PHACTR1: variants seen among roughly 807,000 people sequenced by gnomAD.
The protein encoded by PHACTR1 is RPEL repeat containing 1.
PHACTR1 carries 16 observed loss-of-function variants against 69.2 expected under a neutral mutation model. The observed-to-expected ratio is 0.23, with a 90% CI of 0.16 to 0.35. The LOEUF is 0.35. Among genes scored for constraint, PHACTR1 ranks in the 10% least tolerant of loss-of-function variants. The pLI is 1.00. For missense variants in PHACTR1, 510 were observed against 734.7 expected (o/e 0.69, Z 3.54); for synonymous variants, 312 against 284.5 (o/e 1.10, Z -0.97).
intron 5 of PHACTR1, among the ~76,000 whole-genome samples, chr6:13,091,875 G>A (rs1319043461): frequency 6.6e-6 from 1 of 152,106 alleles, no homozygotes; most frequent in Non-Finnish European, 1.5e-5. Context: ...TCGGCTCACT[G>A]CAACCTCTGC....
chr6:12,802,356 T>C (rs1283070755), intron 4 of PHACTR1, among the ~76,000 whole-genome samples: 1 of 151,982 alleles, frequency 6.6e-6, no homozygotes, highest in Non-Finnish European at 1.5e-5. Flanking sequence ...GGAACAGTCT[T>C]AGGAACAAAA....
intron 5 of PHACTR1, among the ~76,000 whole-genome samples, chr6:13,067,690 A>G (rs180870396): frequency 2.6e-5 from 4 of 152,320 alleles, no homozygotes; most frequent in Non-Finnish European, 5.9e-5. Flanking sequence ...GAATCATTCC[A>G]TTTATGTTTT....
At chr6:13,192,629 A>G (rs1469313311) in intron 7 of PHACTR1, among the ~76,000 whole-genome samples, 1 of 152,226 alleles carries the variant, frequency 6.6e-6, no homozygotes, top group African/African-American at 2.4e-5. Context: ...ATGGACAGTA[A>G]TGCTGTTCGA....
At chr6:12,914,653 C>T (rs896193600) in intron 4 of PHACTR1, among the ~76,000 whole-genome samples, 1 of 151,922 alleles carries the variant, frequency 6.6e-6, no homozygotes, top group Admixed American at 6.6e-5. Context: ...CAATAAGGAC[C>T]ACCATCCACT....
rs374038495 is a variant in PHACTR1, at chr6:12,769,335, A to G, written c.250+19545A>G. On this transcript the variant is annotated intron_variant, in intron 4 of 14. Coordinates refer to ENST00000332995, the MANE Select transcript of PHACTR1 (RefSeq NM_030948.6). ...TCACATCTCATAAATATGCACAATT[A>G]TTATGTGTCAAGTATAAATTTAAAT... Among the ~76,000 whole-genome samples the G allele has an allele frequency of 9.2e-5, 14 of 152,318 alleles. No individual in the cohort carries two copies. The East Asian group carries it at 2.1e-3, about 23-fold the overall frequency.
rs182098842 is a variant in PHACTR1 at position 12,805,377 on chromosome 6, C to T, written c.250+55587C>T. Among the ~76,000 whole-genome samples, 76 of 152,276 alleles carry T rather than the reference C, an allele frequency of 5.0e-4. No homozygotes were observed. The East Asian group carries it at 0.01, about 21-fold the overall frequency. Reference sequence around the variant, plus strand: ...ATCTCACTTTTCTAGAAGTGCGACACGTTTGTGTAGCTTTAAATTCTGTCT... The same window carrying T: ...ATCTCACTTTTCTAGAAGTGCGACATGTTTGTGTAGCTTTAAATTCTGTCT... On this transcript the variant is annotated intron_variant, in intron 4 of 14. Transcript: ENST00000332995.
At chr6:12,906,783 T>TC (rs1469712874) in intron 4 of PHACTR1, among the ~76,000 whole-genome samples, 1 of 152,176 alleles carries the variant, frequency 6.6e-6, no homozygotes, top group Non-Finnish European at 1.5e-5. Flanking sequence ...AGCTTTCCAG[T>TC]CCCCCAAAAG....
chr6:13,041,379 C>CACACACAG (rs1242254847), intron 4 of PHACTR1, among the ~76,000 whole-genome samples: 2 of 150,204 alleles, frequency 1.3e-5, no homozygotes, highest in East Asian at 1.9e-4. Flanking sequence ...CACACACACA[C>CACACACAG]AGAAGAGAAG....
intron 5 of PHACTR1, among the ~76,000 whole-genome samples, chr6:13,139,167 A>T (rs1822020535): frequency 6.6e-6 from 1 of 151,932 alleles, no homozygotes; most frequent in Non-Finnish European, 1.5e-5. Context: ...ACTTTTGAAA[A>T]AAGACCCCAA....
At chr6:13,006,377 A>C (rs1299694999) in intron 4 of PHACTR1, among the ~76,000 whole-genome samples, 1 of 152,160 alleles carries the variant, frequency 6.6e-6, no homozygotes, top group African/African-American at 2.4e-5. Context: ...TGTCAGTGGA[A>C]TGTTTAGAGA....
intron 5 of PHACTR1, among the ~76,000 whole-genome samples, chr6:13,088,951 A>T (rs543237077): frequency 6.6e-6 from 1 of 152,338 alleles, no homozygotes; most frequent in Non-Finnish European, 1.5e-5. Context: ...ATATTTAGAA[A>T]TGGATTATAC....
At chr6:13,071,593 T>A (rs1429183981) in intron 5 of PHACTR1, among the ~76,000 whole-genome samples, 1 of 152,166 alleles carries the variant, frequency 6.6e-6, no homozygotes, top group East Asian at 1.9e-4. Flanking sequence ...AGAGCGCTAA[T>A]GATGTTCAGA....
At chr6:13,172,005 G>T (rs972959772) in intron 6 of PHACTR1, among the ~76,000 whole-genome samples, 1 of 152,104 alleles carries the variant, frequency 6.6e-6, no homozygotes, top group Admixed American at 6.5e-5. Context: ...GACCTCAGGT[G>T]ATCCGCTCAC....
At chr6:13,149,740 C>T (rs763082189) in intron 5 of PHACTR1, among the ~76,000 whole-genome samples, 3 of 152,152 alleles carry the variant, frequency 2.0e-5, no homozygotes, top group Non-Finnish European at 2.9e-5. Flanking sequence ...AACCTGCAGC[C>T]CCTGGGCCAC....
intron 10 of PHACTR1, among the ~76,000 whole-genome samples, chr6:13,257,696 C>G (rs1775369196): frequency 6.6e-6 from 1 of 152,096 alleles, no homozygotes; most frequent in South Asian, 2.1e-4. Flanking sequence ...TGACCTCTGT[C>G]TTGTCAGTAG....
chr6:13,003,988 T>TAC (rs1798473936), intron 4 of PHACTR1, among the ~76,000 whole-genome samples: 1 of 140,372 alleles, frequency 7.1e-6, no homozygotes, highest in African/African-American at 2.8e-5. Flanking sequence ...TACACATATA[T>TAC]ATATATCACA....
chr6:13,034,880 A>G (rs993846143), intron 4 of PHACTR1, among the ~76,000 whole-genome samples: 11 of 152,206 alleles, frequency 7.2e-5, no homozygotes, highest in African/African-American at 2.7e-4. Flanking sequence ...AAATAGATAA[A>G]TTACTTTCAA....
At chr6:12,875,319 C>T (rs1489232357) in intron 4 of PHACTR1, among the ~76,000 whole-genome samples, 1 of 152,212 alleles carries the variant, frequency 6.6e-6, no homozygotes, top group Non-Finnish European at 1.5e-5. Flanking sequence ...GGAGTCAAGG[C>T]TGAAAGTCCC....
chr6:13,139,224 A>T (rs951381639), intron 5 of PHACTR1, among the ~76,000 whole-genome samples: 5 of 152,068 alleles, frequency 3.3e-5, no homozygotes, highest in Non-Finnish European at 5.9e-5. Flanking sequence ...GGGTTAACAA[A>T]CTATGACCCA....
Sources: allele counts gnomAD v4.1 joint callset (sites outside exome capture counted in the v4.1 genomes callset), GRCh38; gene constraint gnomAD v4.1.1; transcripts MANE v1.5; gene names NCBI Gene and HGNC (gene_info 2026-07-23, HGNC 2026-07-21).